The following ASIC2 variants were observed in gnomAD, a reference collection of about 807,000 sequenced individuals.
ASIC2 encodes the protein acid sensing ion channel subunit 2.
ASIC2 carries 25 observed loss-of-function variants against 57.3 expected under a neutral mutation model. The ratio of observed to expected loss-of-function variants is 0.44; its 90% CI spans 0.32 to 0.61. The LOEUF (loss-of-function observed/expected upper bound fraction) is 0.61. Among genes scored for constraint, ASIC2 ranks in the 20% least tolerant of loss-of-function variants. The pLI is 0.06. For missense variants in ASIC2, 641 were observed against 738.1 expected (o/e 0.87, Z 1.52); for synonymous variants, 319 against 307.5 (o/e 1.04, Z -0.39).
intron 1 of ASIC2, among the ~76,000 whole-genome samples, chr17:33,198,281 G>T (rs1046889940): frequency 6.6e-6 from 1 of 152,208 alleles, no homozygotes; most frequent in African/African-American, 2.4e-5. Context: ...GAACTCGGGA[G>T]GTCCAGACTG....
intron 1 of ASIC2, among the ~76,000 whole-genome samples, chr17:33,941,839 C>T (rs1916198287): frequency 2.6e-5 from 4 of 152,164 alleles, no homozygotes; most frequent in African/African-American, 7.2e-5. Context: ...TGCACCAGGA[C>T]AGGGCAGGAT....
At chr17:33,221,084 T>C (rs993632559) in intron 1 of ASIC2, among the ~76,000 whole-genome samples, 1 of 151,708 alleles carries the variant, frequency 6.6e-6, no homozygotes, top group African/African-American at 2.4e-5. Flanking sequence ...AAAAATAAAA[T>C]AAAGTAAAAT....
At chr17:33,115,285 G>A (rs1313269036) in intron 1 of ASIC2, among the ~76,000 whole-genome samples, 1 of 152,162 alleles carries the variant, frequency 6.6e-6, no homozygotes, top group East Asian at 1.9e-4. Flanking sequence ...GGAGCCAGAG[G>A]GAGACTGAAG....
At chr17:33,689,850 A>C (rs532054026) in intron 1 of ASIC2, among the ~76,000 whole-genome samples, 1 of 152,340 alleles carries the variant, frequency 6.6e-6, no homozygotes, top group African/African-American at 2.4e-5. Flanking sequence ...TGAGGTGGCC[A>C]CAAGCCAAGG....
chr17:33,391,805 G>A (rs1909900795), intron 1 of ASIC2, among the ~76,000 whole-genome samples: 1 of 152,200 alleles, frequency 6.6e-6, no homozygotes, highest in African/African-American at 2.4e-5. Context: ...CAGGTCCTAT[G>A]TTAAGTGCTT....
At position 33,471,366 on chromosome 17, in the gene ASIC2, C is replaced by A. The variant is rs114572223; in HGVS notation, c.556-359299G>T. ...TGACACCTGCTCTTTAGAAACTCAGCAACATAGGCCTTATATTGTGGGATT... is the reference window on the plus strand; with the variant it reads ...TGACACCTGCTCTTTAGAAACTCAGAAACATAGGCCTTATATTGTGGGATT... On this transcript the variant is annotated intron_variant, in intron 1 of 9. Coordinates refer to the ASIC2 transcript ENST00000359872. Among the ~76,000 whole-genome samples the A allele has an allele frequency of 5.4e-3, 824 of 152,252 alleles. 8 individuals are homozygous for A. The highest frequency in any genetic ancestry group is 0.019 in the African/African-American group (785 of 41,544).
chr17:34,030,011 G>A (rs1223668717), intron 1 of ASIC2, among the ~76,000 whole-genome samples: 1 of 152,124 alleles, frequency 6.6e-6, no homozygotes, highest in East Asian at 1.9e-4. Context: ...CACAGAGCAT[G>A]GTCAACCTCC....
chr17:33,316,595 T>G (rs1408414806), intron 1 of ASIC2, among the ~76,000 whole-genome samples: 1 of 152,212 alleles, frequency 6.6e-6, no homozygotes, highest in Non-Finnish European at 1.5e-5. Context: ...GCCATCTTCA[T>G]GTTTTAAGAA....
intron 1 of ASIC2, among the ~76,000 whole-genome samples, chr17:34,035,165 T>G (rs1032613335): frequency 5.4e-5 from 8 of 148,236 alleles, no homozygotes; most frequent in Admixed American, 5.3e-4. Flanking sequence ...AACAGAGATA[T>G]AGATCAATGG....
At chr17:33,417,166 G>A (rs1427640223) in intron 1 of ASIC2, among the ~76,000 whole-genome samples, 1 of 152,162 alleles carries the variant, frequency 6.6e-6, no homozygotes, top group Non-Finnish European at 1.5e-5. Flanking sequence ...TGGAGGACTA[G>A]GGTGTTGAAT....
chr17:33,217,019 A>G (rs963470955), intron 1 of ASIC2, among the ~76,000 whole-genome samples: 2 of 152,196 alleles, frequency 1.3e-5, no homozygotes, highest in Non-Finnish European at 2.9e-5. Flanking sequence ...GGTTAGGGAG[A>G]GGGAGGAACT....
rs141990074 is a variant in ASIC2, at chr17:33,470,318, G to A, written c.556-358251C>T. Among the ~76,000 whole-genome samples, 310 of 152,314 alleles carry A rather than the reference G, an allele frequency of 2.0e-3. 1 individual carries two copies. The highest frequency in any genetic ancestry group is 7.1e-3 in the African/African-American group (296 of 41,564). On this transcript the variant is annotated intron_variant, in intron 1 of 9. Coordinates refer to the ASIC2 transcript ENST00000359872. ...GAAACATGTAATTTGCCTGTGACCAGATCCCTTTTAGACCCTCTGTTTCAG... is the reference window on the plus strand; with the variant it reads ...GAAACATGTAATTTGCCTGTGACCAAATCCCTTTTAGACCCTCTGTTTCAG...
chr17:33,420,162 T>C (rs1910995814), intron 1 of ASIC2, among the ~76,000 whole-genome samples: 1 of 152,348 alleles, frequency 6.6e-6, no homozygotes, highest in Non-Finnish European at 1.5e-5. Flanking sequence ...GCACGTCTGC[T>C]AGCTGCTGAG....
intron 1 of ASIC2, among the ~76,000 whole-genome samples, chr17:33,743,876 G>A (rs72813001): frequency 0.35 from 53,319 of 152,000 alleles, 11,103 homozygotes; most frequent in Non-Finnish European, 0.48. Flanking sequence ...CTGCCTATAG[G>A]ACAGTCTTTG....
intron 1 of ASIC2, among the ~76,000 whole-genome samples, chr17:34,127,905 A>G (rs1911835819): frequency 6.6e-6 from 1 of 152,162 alleles, no homozygotes; most frequent in Non-Finnish European, 1.5e-5. Flanking sequence ...GGCCTTGGGC[A>G]AAGGAGACTG....
intron 1 of ASIC2, chr17:33,566,060 C>T (rs1275315816): frequency 1.3e-5 from 2 of 152,340 alleles, no homozygotes; most frequent in East Asian, 3.9e-4. Context: ...TGGGATCAGC[C>T]TGCAGGTGCG....
intron 3 of ASIC2, among the ~76,000 whole-genome samples, chr17:33,065,916 G>T (rs1283216378): frequency 6.6e-6 from 1 of 152,138 alleles, no homozygotes; most frequent in Non-Finnish European, 1.5e-5. Context: ...AAAAGTCAAG[G>T]CCTTTGTATG....
chr17:33,225,119 T>A (rs567211420), intron 1 of ASIC2, among the ~76,000 whole-genome samples: 40 of 152,306 alleles, frequency 2.6e-4, no homozygotes, highest in African/African-American at 8.9e-4. Context: ...CAGCGTTCTA[T>A]CAAAATGAAA....
chr17:33,275,903 T>C (rs1048701236), intron 1 of ASIC2, among the ~76,000 whole-genome samples: 2 of 152,146 alleles, frequency 1.3e-5, no homozygotes, highest in African/African-American at 2.4e-5. Flanking sequence ...GAGGAATGCA[T>C]GTGTGGGGGT....
Sources: allele counts gnomAD v4.1 joint callset (sites outside exome capture counted in the v4.1 genomes callset), GRCh38; gene constraint gnomAD v4.1.1; transcripts MANE v1.5; gene names NCBI Gene and HGNC (gene_info 2026-07-23, HGNC 2026-07-21).